ATRNL1: variants seen among roughly 807,000 people sequenced by gnomAD.
ATRNL1 encodes the protein attractin like 1.
Under a neutral mutation model 182.7 loss-of-function variants are expected in ATRNL1, and 95 were observed. The observed-to-expected ratio is 0.52, with a 90% CI of 0.44 to 0.62. The LOEUF (loss-of-function observed/expected upper bound fraction) is 0.62. Ranked by LOEUF, ATRNL1 falls within the 20% of genes least tolerant of loss-of-function variation. The pLI is 0.00. For synonymous variants in ATRNL1, 576 were observed against 568.3 expected, an observed-to-expected ratio of 1.01 and a Z score of -0.19; for missense variants, 1,471 against 1,679.5, an observed-to-expected ratio of 0.88 and a Z score of 2.17.
chr10:115,883,254 C>G (rs1951869075), intron 28 of ATRNL1, among the ~76,000 whole-genome samples: 1 of 152,206 alleles, frequency 6.6e-6, no homozygotes, highest in African/African-American at 2.4e-5. Flanking sequence ...TTTCTTCCCC[C>G]ACTATCCTTC....
intron 27 of ATRNL1, among the ~76,000 whole-genome samples, chr10:115,728,363 A>C (rs1244821225): frequency 6.6e-6 from 1 of 151,300 alleles, no homozygotes; most frequent in Non-Finnish European, 1.5e-5. Flanking sequence ...GACTATTCAA[A>C]GCATTATGAT....
At chr10:115,143,633 A>G (rs985765580) in intron 5 of ATRNL1, among the ~76,000 whole-genome samples, 12 of 152,182 alleles carry the variant, frequency 7.9e-5, no homozygotes, top group African/African-American at 2.9e-4. Flanking sequence ...TCACTCTGCC[A>G]CATAAAGAAC....
At chr10:115,618,207 G>A (rs1857541613) in intron 26 of ATRNL1, among the ~76,000 whole-genome samples, 1 of 151,988 alleles carries the variant, frequency 6.6e-6, no homozygotes, top group African/African-American at 2.4e-5. Flanking sequence ...ATATGATAAT[G>A]GACTAATATA....
intron 26 of ATRNL1, among the ~76,000 whole-genome samples, chr10:115,715,400 A>G (rs1159343048): frequency 2.6e-5 from 4 of 152,178 alleles, no homozygotes; most frequent in Admixed American, 6.5e-5. Context: ...TTCTAAATCC[A>G]TATACCTTAT....
At chr10:115,325,749 T>C (rs1358462029) in intron 18 of ATRNL1, among the ~76,000 whole-genome samples, 5 of 152,188 alleles carry the variant, frequency 3.3e-5, no homozygotes, top group Non-Finnish European at 7.4e-5. Flanking sequence ...AGAGGTATTA[T>C]AGATTACTAC....
chr10:115,646,137 C>T (rs1859601363), intron 26 of ATRNL1, among the ~76,000 whole-genome samples: 1 of 150,934 alleles, frequency 6.6e-6, no homozygotes, highest in Non-Finnish European at 1.5e-5. Flanking sequence ...AGGAGATGAT[C>T]TTTATTGAAA....
intron 19 of ATRNL1, among the ~76,000 whole-genome samples, chr10:115,358,200 C>T (rs1345884304): frequency 1.3e-5 from 2 of 151,600 alleles, no homozygotes; most frequent in Non-Finnish European, 3.0e-5. Flanking sequence ...TAGACTCTCT[C>T]CATTTACAAT....
At chr10:115,236,470 T>A (rs2133807289) in intron 9 of ATRNL1, among the ~76,000 whole-genome samples, 1 of 152,354 alleles carries the variant, frequency 6.6e-6, no homozygotes, top group Middle Eastern at 3.4e-3. Context: ...ACAAAATATT[T>A]TTGTATGTGA....
intron 4 of ATRNL1, 131 bp from the exon 5 acceptor site, chr10:115,129,196 T>TAA: frequency 1.5e-6 from 1 of 650,286 alleles, no homozygotes; most frequent in South Asian, 2.1e-5. Flanking sequence ...GAATTAAAAC[T>TAA]ACATTGTGAA....
chr10:115,643,718 C>A (rs1338900217), intron 26 of ATRNL1, among the ~76,000 whole-genome samples: 1 of 151,946 alleles, frequency 6.6e-6, no homozygotes, highest in African/African-American at 2.4e-5. Context: ...TAGACAAATA[C>A]AAATTAAGAA....
intron 27 of ATRNL1, among the ~76,000 whole-genome samples, chr10:115,832,911 A>T (rs1201791386): frequency 6.6e-6 from 1 of 152,196 alleles, no homozygotes; most frequent in Non-Finnish European, 1.5e-5. Flanking sequence ...ATCTATGGTG[A>T]AGAGATGCAA....
At chr10:115,301,751 G>T in intron 16 of ATRNL1, 104 bp from the exon 17 acceptor site, 1 of 887,416 alleles carries the variant, frequency 1.1e-6, no homozygotes, top group Non-Finnish European at 1.6e-6. Context: ...TGCCACAGTT[G>T]GCTTAATTGA....
intron 19 of ATRNL1, among the ~76,000 whole-genome samples, chr10:115,337,980 G>A (rs868909182): frequency 6.6e-6 from 1 of 151,770 alleles, no homozygotes; most frequent in African/African-American, 2.4e-5. Context: ...TCACAGTAGG[G>A]TTTGAGCTCC....
At chr10:115,480,994 A>AT (rs1454315366) in intron 24 of ATRNL1, among the ~76,000 whole-genome samples, 4 of 150,924 alleles carry the variant, frequency 2.7e-5, no homozygotes, top group African/African-American at 9.7e-5. Flanking sequence ...AGTAAAGAAG[A>AT]TTTTTCATTT....
chr10:115,476,292 T>G (rs575702067), intron 24 of ATRNL1, among the ~76,000 whole-genome samples: 15 of 151,496 alleles, frequency 9.9e-5, no homozygotes, highest in African/African-American at 3.6e-4. Flanking sequence ...GTTTTAATCC[T>G]TTTTAACTTT....
chr10:115,561,329 A>G (rs548380042), intron 26 of ATRNL1, among the ~76,000 whole-genome samples: 1 of 152,308 alleles, frequency 6.6e-6, no homozygotes, highest in South Asian at 2.1e-4. Context: ...AAATGTATAA[A>G]GAATTTGAGT....
intron 26 of ATRNL1, among the ~76,000 whole-genome samples, chr10:115,630,906 C>G (rs1479503852): frequency 6.8e-6 from 1 of 146,428 alleles, no homozygotes; most frequent in African/African-American, 2.5e-5. Context: ...AAAAGGAGAT[C>G]CTGTCTTTTG....
At chr10:115,279,236 C>T (rs1332505399) in intron 13 of ATRNL1, among the ~76,000 whole-genome samples, 1 of 151,404 alleles carries the variant, frequency 6.6e-6, no homozygotes, top group Non-Finnish European at 1.5e-5. Context: ...AATAAAGACT[C>T]TTGAGAAGAT....
At position 115,297,271 on chromosome 10, in the gene ATRNL1, G is replaced by A. The variant is rs551786190; in HGVS notation, c.2416-2763G>A. Reference sequence around the variant, plus strand: ...TGTAAAGTATTATTTTTAGCATATGGGACAAACAACATAAGTTAAAATCTG... The same window carrying A: ...TGTAAAGTATTATTTTTAGCATATGAGACAAACAACATAAGTTAAAATCTG... On this transcript the variant is annotated intron_variant, in intron 15 of 28. Transcript: ENST00000355044. 5.5e-4 allele frequency among the ~76,000 whole-genome samples: 84 copies of A among 152,118 alleles called. 1 individual carries two copies. The highest frequency in any genetic ancestry group is 1.7e-3 in the Admixed American group (26 of 15,282).
Sources: allele counts gnomAD v4.1 joint callset (sites outside exome capture counted in the v4.1 genomes callset), GRCh38; gene constraint gnomAD v4.1.1; transcripts MANE v1.5; gene names NCBI Gene and HGNC (gene_info 2026-07-23, HGNC 2026-07-21).